CPED1: variants seen among roughly 807,000 people sequenced by gnomAD.
CPED1 encodes cadherin-like and PC-esterase domain-containing protein 1.
In CPED1, 114 loss-of-function variants were observed where a neutral mutation model predicts 128.2. The observed-to-expected ratio is 0.89, with a 90% CI of 0.76 to 1.04. The LOEUF (loss-of-function observed/expected upper bound fraction) is 1.04. Ranked by LOEUF, CPED1 falls within the 50% of genes least tolerant of loss-of-function variation. The probability of loss-of-function intolerance (pLI) is 0.00; values close to 1 mark genes in which losing one functional copy is unlikely to be tolerated. For synonymous variants in CPED1, 462 were observed against 426.7 expected (o/e 1.08, Z -1.02); for missense variants, 1,211 against 1,207.1 (o/e 1.00, Z -0.05).
chr7:121,032,525 G>C (rs570110951), intron 3 of CPED1, among the ~76,000 whole-genome samples: 162 of 149,938 alleles, frequency 1.1e-3, no homozygotes, highest in African/African-American at 3.8e-3. Context: ...CATACCGCGG[G>C]GGGGGCCTGT....
At position 121,030,553 on chromosome 7, in the gene CPED1, A is replaced by C. The variant is rs1792703754; in HGVS notation, c.433+14705A>C. 1.3e-5 allele frequency among the ~76,000 whole-genome samples: 2 copies of C among 152,194 alleles called. 1 individual carries two copies. Among genetic ancestry groups the C allele is most frequent in the South Asian group, 4.1e-4 (2 of 4,822 alleles). On this transcript the variant is annotated intron_variant, in intron 3 of 22. Coordinates refer to ENST00000310396, the MANE Select transcript of CPED1 (RefSeq NM_024913.5). ...CCCCCTACCCTTTGAGTCACTTGGT[A>C]GCCTTCTTATTTATCAGATCGACTT...
intron 16 of CPED1, among the ~76,000 whole-genome samples, chr7:121,157,766 C>T (rs867332300): frequency 6.6e-6 from 1 of 152,038 alleles, no homozygotes; most frequent in East Asian, 1.9e-4. Context: ...GAAGGGCTAT[C>T]GGCATCCAGA....
chr7:121,185,772 G>A (rs534692894), intron 16 of CPED1, among the ~76,000 whole-genome samples: 1 of 152,312 alleles, frequency 6.6e-6, no homozygotes, highest in South Asian at 2.1e-4. Flanking sequence ...GCAGATATGA[G>A]TCCAGTGATC....
At chr7:121,274,489 T>C (rs1467573387) in intron 22 of CPED1, among the ~76,000 whole-genome samples, 1 of 152,136 alleles carries the variant, frequency 6.6e-6, no homozygotes, top group Non-Finnish European at 1.5e-5. Flanking sequence ...TCCGCCAAAT[T>C]ATCTTAATTG....
intron 16 of CPED1, among the ~76,000 whole-genome samples, chr7:121,225,403 C>G (rs1040511805): frequency 6.6e-6 from 1 of 152,028 alleles, no homozygotes; most frequent in African/African-American, 2.4e-5. Context: ...CTCTGGCTGC[C>G]CTTAACATTT....
chr7:121,009,410 C>A (rs778469381), intron 2 of CPED1, among the ~76,000 whole-genome samples: 2 of 151,788 alleles, frequency 1.3e-5, no homozygotes, highest in South Asian at 2.1e-4. Context: ...TCAAGACCAG[C>A]CTTGGCAAGG....
At chr7:121,123,202 CTA>C (rs762172641) in intron 7 of CPED1, among the ~76,000 whole-genome samples, 4 of 152,044 alleles carry the variant, frequency 2.6e-5, no homozygotes, top group Admixed American at 1.3e-4. Flanking sequence ...CTTAGGGTCT[CTA>C]TGTGTAATCT....
At chr7:121,214,273 G>T (rs887842625) in intron 16 of CPED1, among the ~76,000 whole-genome samples, 2 of 151,898 alleles carry the variant, frequency 1.3e-5, no homozygotes, top group Non-Finnish European at 2.9e-5. Context: ...CTTTAAGGCT[G>T]CTCCTTAGAG....
At chr7:121,051,685 A>G (rs1297128312) in intron 4 of CPED1, 1 of 300,266 alleles carries the variant, frequency 3.3e-6, no homozygotes, top group Non-Finnish European at 6.4e-6. Context: ...TGCACTCTGT[A>G]AGATCTGTGG....
chr7:121,087,676 T>TG (rs1378856886), intron 5 of CPED1, among the ~76,000 whole-genome samples: 1 of 149,432 alleles, frequency 6.7e-6, no homozygotes, highest in East Asian at 1.9e-4. Context: ...TGTTTTTTTT[T>TG]TTTTGGCAGA....
intron 3 of CPED1, among the ~76,000 whole-genome samples, chr7:121,044,179 T>C (rs1793128843): frequency 6.6e-6 from 1 of 151,858 alleles, no homozygotes; most frequent in African/African-American, 2.4e-5. Context: ...ATGAAACAAG[T>C]GAAACTTCAT....
At chr7:121,250,851 A>C (rs1277974372) in intron 18 of CPED1, among the ~76,000 whole-genome samples, 1 of 123,208 alleles carries the variant, frequency 8.1e-6, no homozygotes. Flanking sequence ...AAAAAAGTCC[A>C]AGACAGATGG....
At chr7:121,010,358 C>T (rs1792127332) in intron 2 of CPED1, among the ~76,000 whole-genome samples, 1 of 152,126 alleles carries the variant, frequency 6.6e-6, no homozygotes, top group Non-Finnish European at 1.5e-5. Flanking sequence ...TTCAAGCATT[C>T]TCCTGCCTCA....
At chr7:121,179,610 T>C (rs1451959510) in intron 16 of CPED1, among the ~76,000 whole-genome samples, 1 of 152,224 alleles carries the variant, frequency 6.6e-6, no homozygotes, top group African/African-American at 2.4e-5. Context: ...CATATTCTCA[T>C]TTGATTTTCT....
chr7:121,028,884 T>C (rs1792662414), intron 3 of CPED1, among the ~76,000 whole-genome samples: 1 of 152,170 alleles, frequency 6.6e-6, no homozygotes, highest in Non-Finnish European at 1.5e-5. Context: ...ATAATTAATG[T>C]TGGATGTTTC....
rs75212905 is a variant in CPED1, at chr7:121,107,726, T to C, written c.918+7632T>C. Among the ~76,000 whole-genome samples, 612 of 152,252 alleles carry C rather than the reference T, an allele frequency of 4.0e-3. 6 individuals are homozygous for C. The highest frequency in any genetic ancestry group is 0.014 in the African/African-American group (574 of 41,554). On this transcript the variant is annotated intron_variant, in intron 7 of 22. Transcript: ENST00000310396. The stretch of plus-strand genomic sequence containing the variant: ...GATTTTTACACTTTTACTTTGGGTA[T>C]AGAAAAAAAGTAAGTTTTTACCAGT...
chr7:121,134,321 C>G (rs1259043143), intron 13 of CPED1, among the ~76,000 whole-genome samples: 1 of 151,912 alleles, frequency 6.6e-6, no homozygotes, highest in Middle Eastern at 3.2e-3. Context: ...GTGAAATAAG[C>G]CAGACACAAA....
At chr7:121,181,652 ATTG>A (rs750726385) in intron 16 of CPED1, among the ~76,000 whole-genome samples, 2 of 152,074 alleles carry the variant, frequency 1.3e-5, no homozygotes, top group Non-Finnish European at 2.9e-5. Flanking sequence ...GTTTGCAAAT[ATTG>A]TTGTTTGCAT....
chr7:121,208,646 T>G (rs1277833899), intron 16 of CPED1, among the ~76,000 whole-genome samples: 1 of 152,048 alleles, frequency 6.6e-6, no homozygotes, highest in African/African-American at 2.4e-5. Flanking sequence ...ACTTAACCAC[T>G]GTGCTACTAA....
Sources: allele counts gnomAD v4.1 joint callset (sites outside exome capture counted in the v4.1 genomes callset), GRCh38; gene constraint gnomAD v4.1.1; transcripts MANE v1.5; gene names NCBI Gene and HGNC (gene_info 2026-07-23, HGNC 2026-07-21).